The following RASGEF1C variants were observed in gnomAD, a reference collection of about 807,000 sequenced individuals.
The protein encoded by RASGEF1C is RasGEF domain family member 1C, also known as ras-GEF domain-containing family member 1C.
A neutral mutation model predicts 58.1 loss-of-function variants in RASGEF1C; 27 were observed. The observed-to-expected ratio is 0.46, with a 90% CI of 0.34 to 0.64. RASGEF1C has a LOEUF of 0.64. RASGEF1C is among the 30% of genes least tolerant of loss of function. The probability of loss-of-function intolerance (pLI) is 0.01; values close to 1 mark genes in which losing one functional copy is unlikely to be tolerated. For synonymous variants in RASGEF1C, 243 were observed against 246.3 expected, an observed-to-expected ratio of 0.99 and a Z score of 0.13; for missense variants, 502 against 605.1, an observed-to-expected ratio of 0.83 and a Z score of 1.79.
In RASGEF1C at chr5:180,101,521, A is replaced by G; in HGVS notation, c.1381T>C (p.Ser461Pro). ...EKERWKALRSSILGKT is the reference protein window; with the variant it reads ...EKERWKALRSPILGKT ...CGCTTTCATGTCTTCCCCAAAATAG[A>G]AGATCTGCAGATTTAAGCATGTCGG... The change falls in exon 14 of 14, where the codon TCT (serine) becomes CCT (proline). Residue 461 changes from serine to proline, a missense_variant. Transcript: ENST00000361132. 1 of 1,612,304 alleles carries G rather than the reference A, an allele frequency of 6.2e-7. No individual in the cohort carries two copies. Among genetic ancestry groups the G allele is most frequent in the Non-Finnish European group, 8.5e-7 (1 of 1,179,898 alleles).
At position 180,177,567 on chromosome 5, in the gene RASGEF1C, T is replaced by C. The variant is rs1220650575; in HGVS notation, c.-7+31461A>G. Among the ~76,000 whole-genome samples, 3 of 152,190 alleles carry C rather than the reference T, an allele frequency of 2.0e-5. No homozygotes were observed. Among genetic ancestry groups the C allele is most frequent in the African/African-American group, 7.2e-5 (3 of 41,450 alleles). On this transcript the variant is annotated intron_variant, in intron 1 of 13. Coordinates refer to ENST00000361132, the MANE Select transcript of RASGEF1C (RefSeq NM_175062.4). This position sits in a 1 kb window ranked among gnomAD's most constrained non-coding sequence, Gnocchi z 5.0. ...TGCCTGGCCAGCATCTGTTCTTCCC[T>C]CTGAAAACAGAGCCCATTTGTCCTT...
At chr5:180,139,326 G>A (rs554025380) in intron 1 of RASGEF1C, among the ~76,000 whole-genome samples, 3 of 152,338 alleles carry the variant, frequency 2.0e-5, no homozygotes, top group Non-Finnish European at 4.4e-5. Context: ...GGTCTTCTAT[G>A]GACTCTGAGG....
rs371026256 is a variant in RASGEF1C, at chr5:180,118,755, G to A, written c.987+32C>T. ...GGCAGTTCTGTCCAGGGGATGGCCG[G>A]AGGCACCCGGCAGCCCAGCAGCCTC... is the stretch of plus-strand genomic sequence containing the variant. On this transcript the variant is annotated intron_variant, in intron 9 of 13. Coordinates refer to ENST00000361132, the MANE Select transcript of RASGEF1C (RefSeq NM_175062.4). 5.5e-4 allele frequency: 887 copies of A among 1,614,112 alleles called. 2 individuals are homozygous for A. Among genetic ancestry groups the A allele is most frequent in the Middle Eastern group, 4.3e-3 (26 of 6,060 alleles).
intron 1 of RASGEF1C, among the ~76,000 whole-genome samples, chr5:180,148,413 C>CT (rs1766692446): frequency 6.6e-6 from 1 of 150,752 alleles, no homozygotes; most frequent in African/African-American, 2.4e-5. Flanking sequence ...TGCCTTGTAT[C>CT]TTTTTGTTCC....
At position 180,155,688 on chromosome 5, in the gene RASGEF1C, G is replaced by A. The variant is rs186329831; in HGVS notation, c.-6-17630C>T. On this transcript the variant is annotated intron_variant, in intron 1 of 13. Coordinates refer to ENST00000361132, the MANE Select transcript of RASGEF1C (RefSeq NM_175062.4). The surrounding 1 kb of genome is among the most constrained non-coding windows in gnomAD (Gnocchi z 5.2). ...AAGAGGGCAAGTCAGCCTCTCTCCC[G>A]CTCCGTCTTCCATCCTGTCCCTTAC... 1.2e-3 allele frequency among the ~76,000 whole-genome samples: 177 copies of A among 152,022 alleles called. 1 individual carries two copies. Among genetic ancestry groups the A allele is most frequent in the African/African-American group, 4.0e-3 (167 of 41,478 alleles).
At chr5:180,130,798 A>T (rs1159526599) in intron 4 of RASGEF1C, among the ~76,000 whole-genome samples, 1 of 151,768 alleles carries the variant, frequency 6.6e-6, no homozygotes, top group Non-Finnish European at 1.5e-5. Context: ...TCTGCTTCAC[A>T]CCTGCAGTCT....
intron 1 of RASGEF1C, among the ~76,000 whole-genome samples, chr5:180,157,380 G>A (rs1330698142): frequency 6.6e-6 from 1 of 152,120 alleles, no homozygotes; most frequent in Non-Finnish European, 1.5e-5. Context: ...CCAGCACTTT[G>A]GGAGGCCGAG....
At chr5:180,184,961 T>A (rs1020577210) in intron 1 of RASGEF1C, among the ~76,000 whole-genome samples, 4 of 152,318 alleles carry the variant, frequency 2.6e-5, no homozygotes, top group African/African-American at 9.6e-5. Context: ...ATTTTTGTCA[T>A]CTGTTTCTCA....
intron 12 of RASGEF1C, among the ~76,000 whole-genome samples, chr5:180,108,954 G>GT (rs1436799274): frequency 2.6e-5 from 4 of 152,212 alleles, no homozygotes; most frequent in Non-Finnish European, 5.9e-5. Flanking sequence ...GAGGGCCACA[G>GT]TTTTGTCTGT....
chr5:180,201,557 C>T (rs1338051933), intron 1 of RASGEF1C, among the ~76,000 whole-genome samples: 1 of 152,158 alleles, frequency 6.6e-6, no homozygotes, highest in Non-Finnish European at 1.5e-5. Flanking sequence ...AATATCCATA[C>T]AAAGCCAGTA....
chr5:180,200,165 CAGG>C, intron 1 of RASGEF1C, among the ~76,000 whole-genome samples: 1 of 151,892 alleles, frequency 6.6e-6, no homozygotes, highest in East Asian at 2.0e-4. Context: ...GAGGCTAAGG[CAGG>C]AGAATTGCTT....
chr5:180,194,580 A>G (rs1001152929), intron 1 of RASGEF1C, among the ~76,000 whole-genome samples: 2 of 152,144 alleles, frequency 1.3e-5, no homozygotes, highest in African/African-American at 4.8e-5. Context: ...TGAGTGTACC[A>G]TTTTTTATTC....
At chr5:180,130,526 C>T (rs1002125977) in intron 4 of RASGEF1C, among the ~76,000 whole-genome samples, 11 of 152,226 alleles carry the variant, frequency 7.2e-5, no homozygotes, top group Admixed American at 3.3e-4. Context: ...GCTGTTTCGT[C>T]TCCTCACCCC....
intron 1 of RASGEF1C, among the ~76,000 whole-genome samples, chr5:180,182,275 A>C (rs943484655): frequency 1.3e-5 from 2 of 150,844 alleles, no homozygotes; most frequent in Non-Finnish European, 3.0e-5. Context: ...CACAGCTCTT[A>C]AAGGTGGTGT....
chr5:180,106,819 G>A (rs150967207), intron 12 of RASGEF1C, among the ~76,000 whole-genome samples: 37 of 152,294 alleles, frequency 2.4e-4, no homozygotes, highest in African/African-American at 8.2e-4. Flanking sequence ...CTTTGTCTTT[G>A]CTGATTTTCT....
At chr5:180,174,051 C>G (rs892284102) in intron 1 of RASGEF1C, among the ~76,000 whole-genome samples, 2 of 151,912 alleles carry the variant, frequency 1.3e-5, no homozygotes, top group African/African-American at 4.8e-5. Context: ...CTCGCTGCTG[C>G]TCTCGGGGGC....
At chr5:180,160,865 T>C (rs556561045) in intron 1 of RASGEF1C, among the ~76,000 whole-genome samples, 3 of 152,156 alleles carry the variant, frequency 2.0e-5, no homozygotes, top group Non-Finnish European at 4.4e-5. Context: ...CTCCGAATGC[T>C]GATTTTTGCA....
intron 12 of RASGEF1C, among the ~76,000 whole-genome samples, chr5:180,102,361 G>C (rs1056461155): frequency 6.6e-6 from 1 of 152,106 alleles, no homozygotes; most frequent in Non-Finnish European, 1.5e-5. Context: ...TTCAAATGAT[G>C]TATAAATACA....
intron 6 of RASGEF1C, among the ~76,000 whole-genome samples, chr5:180,126,738 TG>T (rs1338851901): frequency 3.9e-5 from 6 of 152,230 alleles, no homozygotes; most frequent in Admixed American, 6.5e-5. Context: ...CCCCAGTGTT[TG>T]GCCATAATAA....
Sources: allele counts gnomAD v4.1 joint callset (sites outside exome capture counted in the v4.1 genomes callset), GRCh38; gene constraint gnomAD v4.1.1; non-coding constraint Gnocchi (gnomAD v3.1); transcripts MANE v1.5; gene names NCBI Gene and HGNC (gene_info 2026-07-23, HGNC 2026-07-21).